MLIP: variants seen among roughly 807,000 people sequenced by gnomAD.
MLIP encodes the protein muscular LMNA interacting protein.
MLIP carries 79 observed loss-of-function variants against 84.8 expected under a neutral mutation model. The ratio of observed to expected loss-of-function variants is 0.93; its 90% confidence interval spans 0.78 to 1.12. MLIP has a LOEUF of 1.12. MLIP is among the 50% of genes most tolerant of loss of function. MLIP has a pLI of 0.00. For synonymous variants in MLIP, 504 were observed against 463.0 expected (o/e 1.09, Z -1.14); for missense variants, 1,257 against 1,160.6 (o/e 1.08, Z -1.21).
At chr6:54,228,139 C>A (rs1192327291) in intron 11 of MLIP, among the ~76,000 whole-genome samples, 2 of 58,168 alleles carry the variant, frequency 3.4e-5, no homozygotes, top group African/African-American at 7.4e-5. Context: ...GCCGAGATTG[C>A]GCCACTGCTC....
chr6:54,049,438 G>T (rs1765254869), intron 1 of MLIP, among the ~76,000 whole-genome samples: 1 of 152,186 alleles, frequency 6.6e-6, no homozygotes, highest in African/African-American at 2.4e-5. Context: ...GGTTCGTTAT[G>T]AAGCTGCAGA....
Position 54,111,487 on chromosome 6 carries a change from C to T in MLIP, c.8C>T (p.Ser3Leu), listed in dbSNP as rs1258646962. 1.2e-5 allele frequency: 18 copies of T among 1,535,868 alleles called. No individual in the cohort carries two copies. The highest frequency in any genetic ancestry group is 1.4e-5 in the Non-Finnish European group (16 of 1,146,838). Residue 3 changes from serine (S) to leucine (L), a missense_variant, in exon 1 of 14, where the codon TCA becomes TTA. Physicochemically the swap from Ser to Leu is moderately radical, Grantham distance 145. Transcript: ENST00000502396. ...CCCTTATGTGATGAATCAATGCTTT[C>T]AGAACAGGGGCTTCTGAGTGACTGC... ML[S>L]EQGLLSDCGN... is the part of the protein sequence containing the mutation.
intron 10 of MLIP, among the ~76,000 whole-genome samples, chr6:54,200,678 T>C (rs1778617404): frequency 6.8e-6 from 1 of 146,288 alleles, no homozygotes. Context: ...GTATACTCTA[T>C]GGCATGACTT....
intron 12 of MLIP, among the ~76,000 whole-genome samples, chr6:54,256,561 A>T (rs573818070): frequency 6.6e-6 from 1 of 152,142 alleles, no homozygotes; most frequent in Admixed American, 6.6e-5. Flanking sequence ...AACAGATTTC[A>T]TTACAAACGT....
At chr6:54,053,360 A>G (rs1314291985) in intron 1 of MLIP, among the ~76,000 whole-genome samples, 1 of 152,218 alleles carries the variant, frequency 6.6e-6, no homozygotes, top group Admixed American at 6.5e-5. Flanking sequence ...TTTAAACTTC[A>G]TATGAAAATG....
Position 54,261,326 on chromosome 6 carries a change from C to T in MLIP, c.2976+3965C>T, listed in dbSNP as rs146332102. Among the ~76,000 whole-genome samples, 164 of 152,106 alleles carry T rather than the reference C, an allele frequency of 1.1e-3. No individual in the cohort carries two copies. The Middle Eastern group carries it at 0.024, about 22-fold the overall frequency. Reference sequence around the variant, plus strand: ...TCTTTGTATTACCTGCTACATGCAGCCCTATGACTACTGCATTTTATTTTC... The same window carrying T: ...TCTTTGTATTACCTGCTACATGCAGTCCTATGACTACTGCATTTTATTTTC... On this transcript the variant is annotated intron_variant, in intron 13 of 13. Transcript: ENST00000502396.
chr6:54,146,100 C>A (rs1772804093), intron 4 of MLIP, among the ~76,000 whole-genome samples: 2 of 151,814 alleles, frequency 1.3e-5, no homozygotes, highest in African/African-American at 4.8e-5. Context: ...TATAAATAAG[C>A]ATAAATATAG....
intron 1 of MLIP, among the ~76,000 whole-genome samples, chr6:54,047,961 A>G (rs1765162670): frequency 1.3e-5 from 2 of 152,204 alleles, no homozygotes; most frequent in Admixed American, 1.3e-4. Flanking sequence ...CTGCTGGTTT[A>G]ATTAGCTATA....
intron 1 of MLIP, chr6:54,057,953 T>C (rs1264160053): frequency 1.3e-5 from 2 of 152,174 alleles, no homozygotes; most frequent in East Asian, 1.9e-4. Flanking sequence ...TGACCTGTAA[T>C]AATACACCAT....
intron 11 of MLIP, among the ~76,000 whole-genome samples, chr6:54,224,929 G>A (rs1425671187): frequency 6.6e-6 from 1 of 152,000 alleles, no homozygotes; most frequent in Middle Eastern, 3.2e-3. Flanking sequence ...CCTTTTTATG[G>A]CTGAGTAGTA....
intron 12 of MLIP, among the ~76,000 whole-genome samples, chr6:54,254,791 C>CCG (rs145535744): frequency 1.4e-5 from 2 of 143,948 alleles, no homozygotes; most frequent in African/African-American, 5.3e-5. Flanking sequence ...CTTCCCCCCC[C>CCG]ACTTTCCTGC....
chr6:54,235,048 A>G (rs1017948051), intron 12 of MLIP, among the ~76,000 whole-genome samples: 1 of 152,122 alleles, frequency 6.6e-6, no homozygotes, highest in Non-Finnish European at 1.5e-5. Flanking sequence ...TTTTGTCTCA[A>G]ACTAGTTCTG....
chr6:54,221,422 T>A (rs1780211077), intron 11 of MLIP, among the ~76,000 whole-genome samples: 1 of 151,908 alleles, frequency 6.6e-6, no homozygotes, highest in South Asian at 2.1e-4. Flanking sequence ...TAGTGAACAG[T>A]TGAAAAGTGA....
chr6:54,189,172 T>C (rs1334896165), intron 9 of MLIP, among the ~76,000 whole-genome samples: 2 of 152,224 alleles, frequency 1.3e-5, no homozygotes, highest in African/African-American at 2.4e-5. Context: ...GAATAAATTC[T>C]AGACATTTGC....
At chr6:54,022,992 A>C (rs6458977) in intron 1 of MLIP, among the ~76,000 whole-genome samples, 151,767 of 151,778 alleles carry the variant, frequency 1, 75,878 homozygotes, top group Middle Eastern at 1. Flanking sequence ...ACGGTGAAAC[A>C]CCATCTCTAC....
intron 5 of MLIP, among the ~76,000 whole-genome samples, chr6:54,158,962 G>T (rs1307152855): frequency 6.6e-6 from 1 of 152,100 alleles, no homozygotes; most frequent in African/African-American, 2.4e-5. Context: ...GCCCAGGCTA[G>T]AGTGCAGTGG....
intron 11 of MLIP, among the ~76,000 whole-genome samples, chr6:54,225,968 G>A (rs1780547372): frequency 6.6e-6 from 1 of 152,134 alleles, no homozygotes; most frequent in South Asian, 2.1e-4. Flanking sequence ...AGCTGACATA[G>A]CAACCCAAGA....
chr6:54,220,554 A>T (rs1780148973), intron 11 of MLIP, among the ~76,000 whole-genome samples: 1 of 152,164 alleles, frequency 6.6e-6, no homozygotes, highest in Non-Finnish European at 1.5e-5. Flanking sequence ...TGCATAGAAA[A>T]CACCTTTGAA....
At chr6:54,204,335 A>G (rs1324154711) in intron 11 of MLIP, among the ~76,000 whole-genome samples, 1 of 152,226 alleles carries the variant, frequency 6.6e-6, no homozygotes, top group Non-Finnish European at 1.5e-5. Context: ...CATTAACAAA[A>G]GCACTTATGA....
Sources: gnomAD v4.1 joint callset for allele counts (sites outside exome capture counted in the v4.1 genomes callset) on GRCh38, gnomAD v4.1.1 for gene constraint, MANE v1.5 for transcripts, NCBI Gene and HGNC (gene_info 2026-07-23, HGNC 2026-07-21) for gene names.